The following LRRC4C variants were observed in gnomAD, a reference collection of about 807,000 sequenced individuals.
LRRC4C encodes the protein leucine-rich repeat-containing protein 4C.
Under a neutral mutation model 33.6 loss-of-function variants are expected in LRRC4C, and 5 were observed. The observed-to-expected ratio is 0.15, with a 90% CI of 0.08 to 0.31. The LOEUF (loss-of-function observed/expected upper bound fraction) is 0.31, where lower values mean the gene tolerates loss of function less well. Ranked by LOEUF, LRRC4C falls within the 10% of genes least tolerant of loss-of-function variation. The pLI is 1.00. For missense variants in LRRC4C, 560 were observed against 796.7 expected (o/e 0.70, Z 3.58); for synonymous variants, 329 against 302.0 (o/e 1.09, Z -0.93).
intron 3 of LRRC4C, among the ~76,000 whole-genome samples, chr11:40,356,612 A>G (rs1484786425): frequency 2.6e-5 from 4 of 152,170 alleles, no homozygotes; most frequent in Non-Finnish European, 5.9e-5. Flanking sequence ...CCTATGAGGA[A>G]TTTGACTGTG....
intron 1 of LRRC4C, among the ~76,000 whole-genome samples, chr11:41,301,413 C>T (rs1950285120): frequency 6.6e-6 from 1 of 152,026 alleles, no homozygotes; most frequent in South Asian, 2.1e-4. Context: ...TGGGAAAAAC[C>T]TAAAAAGCAG....
chr11:40,550,840 T>C (rs1957102846), intron 3 of LRRC4C, among the ~76,000 whole-genome samples: 1 of 151,950 alleles, frequency 6.6e-6, no homozygotes, highest in South Asian at 2.1e-4. Context: ...AAGCCTAACC[T>C]GCTCCTGATT....
At chr11:40,127,749 C>T (rs536572512) in intron 6 of LRRC4C, among the ~76,000 whole-genome samples, 20 of 152,288 alleles carry the variant, frequency 1.3e-4, no homozygotes, top group South Asian at 2.1e-4. Flanking sequence ...CAAATTAATA[C>T]GCCCCAGTTA....
At chr11:41,447,631 A>G (rs1955866306) in intron 1 of LRRC4C, among the ~76,000 whole-genome samples, 1 of 152,222 alleles carries the variant, frequency 6.6e-6, no homozygotes, top group African/African-American at 2.4e-5. Context: ...CAAGATTCCA[A>G]GGTCGTAATA....
chr11:40,811,081 C>A (rs964347925), intron 2 of LRRC4C, among the ~76,000 whole-genome samples: 4 of 152,126 alleles, frequency 2.6e-5, no homozygotes, highest in Admixed American at 2.6e-4. Flanking sequence ...GAGCATGGCA[C>A]TTTGATTCTC....
At chr11:40,230,709 GAT>G in intron 5 of LRRC4C, among the ~76,000 whole-genome samples, 1 of 152,298 alleles carries the variant, frequency 6.6e-6, no homozygotes, top group East Asian at 1.9e-4. Flanking sequence ...AAGAGAAAGT[GAT>G]AGCAATTACT....
intron 3 of LRRC4C, among the ~76,000 whole-genome samples, chr11:40,417,542 AT>A (rs1950372709): frequency 1.3e-5 from 2 of 151,676 alleles, no homozygotes; most frequent in Admixed American, 6.6e-5. Context: ...AAGTTTCACC[AT>A]GTTGGCCAGG....
intron 2 of LRRC4C, among the ~76,000 whole-genome samples, chr11:40,884,021 C>T (rs1955312082): frequency 6.6e-6 from 1 of 151,672 alleles, no homozygotes; most frequent in Admixed American, 6.6e-5. Flanking sequence ...GGTTTTAAGC[C>T]CCGCATGCAT....
At chr11:41,073,087 A>G (rs116132977) in intron 1 of LRRC4C, among the ~76,000 whole-genome samples, 394 of 152,310 alleles carry the variant, frequency 2.6e-3, no homozygotes, top group African/African-American at 9.2e-3. Flanking sequence ...ACCTTTTAGC[A>G]GAAATACCTT....
intron 1 of LRRC4C, among the ~76,000 whole-genome samples, chr11:40,965,187 C>G (rs968374602): frequency 2.9e-4 from 44 of 152,150 alleles, no homozygotes; most frequent in African/African-American, 1.0e-3. Flanking sequence ...AGTGTCTGTT[C>G]ATATCCTTCG....
intron 1 of LRRC4C, among the ~76,000 whole-genome samples, chr11:40,964,792 C>T (rs1285568378): frequency 6.6e-6 from 1 of 151,666 alleles, no homozygotes; most frequent in Non-Finnish European, 1.5e-5. Context: ...TGGGTTGGTT[C>T]CAAGTCTTTG....
chr11:40,988,023 G>T (rs963401975), intron 1 of LRRC4C, among the ~76,000 whole-genome samples: 2 of 151,844 alleles, frequency 1.3e-5, no homozygotes, highest in African/African-American at 4.8e-5. Flanking sequence ...TTTTGCAAAG[G>T]TAACTGACCT....
At chr11:40,292,293 A>G (rs1944246707) in intron 4 of LRRC4C, 1 of 152,170 alleles carries the variant, frequency 6.6e-6, no homozygotes, top group Non-Finnish European at 1.5e-5. Context: ...AAAAATTAAA[A>G]AAAAAGGAGG....
intron 1 of LRRC4C, among the ~76,000 whole-genome samples, chr11:41,171,261 C>T (rs1003276641): frequency 2.0e-5 from 3 of 152,100 alleles, no homozygotes; most frequent in Non-Finnish European, 4.4e-5. Context: ...TGGGTATATA[C>T]CCAAAGGATT....
At chr11:41,378,044 CAA>C (rs767415099) in intron 1 of LRRC4C, among the ~76,000 whole-genome samples, 2 of 151,866 alleles carry the variant, frequency 1.3e-5, no homozygotes, top group African/African-American at 4.8e-5. Flanking sequence ...GGGGGTAGCA[CAA>C]AAGAGAGAAA....
rs1005081629 is a variant in LRRC4C at position 41,274,629 on chromosome 11, G to A, written c.-496+184802C>T. On this transcript the variant is annotated intron_variant, in intron 1 of 6. Transcript: ENST00000528697. ...CTCTGTAAAATGGACCAATCAGCAGGACATGGGTGGGGACAAATACGGGAA... is the reference window on the plus strand; with the variant it reads ...CTCTGTAAAATGGACCAATCAGCAGAACATGGGTGGGGACAAATACGGGAA... Among the ~76,000 whole-genome samples, 14 of 152,052 alleles carry A rather than the reference G, an allele frequency of 9.2e-5. No individual in the cohort carries two copies. The East Asian group carries it at 1.2e-3, about 13-fold the overall frequency.
At chr11:40,981,665 C>T (rs1014291431) in intron 1 of LRRC4C, among the ~76,000 whole-genome samples, 1 of 152,134 alleles carries the variant, frequency 6.6e-6, no homozygotes, top group Non-Finnish European at 1.5e-5. Context: ...GAGATCATTC[C>T]TTGGAATATA....
chr11:41,237,537 C>T (rs1948074651), intron 1 of LRRC4C, among the ~76,000 whole-genome samples: 1 of 152,164 alleles, frequency 6.6e-6, no homozygotes, highest in Non-Finnish European at 1.5e-5. Flanking sequence ...ATCTGCCTTA[C>T]AAGACTATTT....
At chr11:40,188,955 T>G (rs1430989508) in intron 5 of LRRC4C, among the ~76,000 whole-genome samples, 1 of 152,218 alleles carries the variant, frequency 6.6e-6, no homozygotes, top group East Asian at 1.9e-4. Flanking sequence ...CATGGAGGCT[T>G]TCATTCAATC....
Sources: gnomAD v4.1 joint callset for allele counts (sites outside exome capture counted in the v4.1 genomes callset) on GRCh38, gnomAD v4.1.1 for gene constraint, MANE v1.5 for transcripts, NCBI Gene and HGNC (gene_info 2026-07-23, HGNC 2026-07-21) for gene names.